The following WDR27 variants were observed in gnomAD, a reference collection of about 807,000 sequenced individuals.
WDR27 encodes the protein WD repeat domain 27.
A neutral mutation model predicts 114.4 loss-of-function variants in WDR27; 100 were observed. The ratio of observed to expected loss-of-function variants is 0.87; its 90% confidence interval spans 0.74 to 1.03. The LOEUF is 1.03. Among genes scored for constraint, WDR27 ranks in the 50% least tolerant of loss-of-function variants. The pLI, the probability that WDR27 is intolerant of heterozygous loss-of-function variation, is 0.00. For synonymous variants in WDR27, 449 were observed against 423.1 expected, an observed-to-expected ratio of 1.06 and a Z score of -0.75; for missense variants, 1,129 against 1,092.9, an observed-to-expected ratio of 1.03 and a Z score of -0.47.
At chr6:169,657,620 A>G (rs1824601628) in intron 13 of WDR27, 1 of 152,434 alleles carries the variant, frequency 6.6e-6, no homozygotes, top group South Asian at 2.1e-4. Flanking sequence ...GAAGGGAAAA[A>G]AGAATTATCA....
chr6:169,501,296 T>A (rs1583811911), intron 25 of WDR27, among the ~76,000 whole-genome samples: 1 of 152,034 alleles, frequency 6.6e-6, no homozygotes, highest in Admixed American at 6.6e-5. Flanking sequence ...GGCCTGCAGG[T>A]CCAGCAGGAG....
At chr6:169,608,390 G>C (rs1809730176) in intron 22 of WDR27, among the ~76,000 whole-genome samples, 2 of 152,102 alleles carry the variant, frequency 1.3e-5, no homozygotes, top group South Asian at 2.1e-4. Flanking sequence ...CCCTAGACTG[G>C]GCAATTTACA....
intron 25 of WDR27, among the ~76,000 whole-genome samples, chr6:169,522,606 C>T (rs1794515751): frequency 6.6e-6 from 1 of 151,930 alleles, no homozygotes; most frequent in Non-Finnish European, 1.5e-5. Flanking sequence ...AATTAGAAAT[C>T]ATATCAAGTA....
rs180946289 is a variant in WDR27, at chr6:169,592,175, T to C, written c.2425-9241A>G. Among the ~76,000 whole-genome samples, 349 of 152,332 alleles carry C rather than the reference T, an allele frequency of 2.3e-3. 3 individuals carry two copies. The highest frequency in any genetic ancestry group is 7.9e-3 in the African/African-American group (327 of 41,572). ...TTTTTTCCGGGGGTATTTGGACCAT[T>C]GTTACTTGTTTATTCTCCCAAGTAA... On this transcript the variant is annotated intron_variant, in intron 23 of 25. Coordinates refer to ENST00000448612, the MANE Select transcript of WDR27 (RefSeq NM_182552.5).
At chr6:169,556,484 T>G (rs1798901269) in intron 25 of WDR27, among the ~76,000 whole-genome samples, 1 of 152,142 alleles carries the variant, frequency 6.6e-6, no homozygotes, top group African/African-American at 2.4e-5. Context: ...TAGCAACGGG[T>G]TATAGATCCA....
chr6:169,434,534 A>G, the WDR27 span, among the ~76,000 whole-genome samples: 3 of 151,946 alleles, frequency 2.0e-5, no homozygotes, highest in African/African-American at 7.3e-5. Flanking sequence ...GCTTTTTACA[A>G]TTGTCTTGGT....
chr6:169,449,861 A>G, the WDR27 span, among the ~76,000 whole-genome samples: 2 of 152,208 alleles, frequency 1.3e-5, no homozygotes, highest in Non-Finnish European at 2.9e-5. Flanking sequence ...AGAAATACAG[A>G]AGGGAGAGCC....
At chr6:169,541,422 G>A (rs556386610) in intron 25 of WDR27, among the ~76,000 whole-genome samples, 3 of 152,340 alleles carry the variant, frequency 2.0e-5, no homozygotes, top group Non-Finnish European at 4.4e-5. Context: ...TCAATGAGCT[G>A]CAGAGGAATC....
chr6:169,441,042 T>C, the WDR27 span, among the ~76,000 whole-genome samples: 1 of 152,216 alleles, frequency 6.6e-6, no homozygotes, highest in Non-Finnish European at 1.5e-5. Context: ...CTAATCTTTG[T>C]AAAAATCAGT....
rs187516130 is a variant in WDR27, at chr6:169,694,707, C to T, written c.-7-5695G>A. Among the ~76,000 whole-genome samples, 10 of 152,350 alleles carry T rather than the reference C, an allele frequency of 6.6e-5. No individual in the cohort carries two copies. The East Asian group carries it at 1.2e-3, about 18-fold the overall frequency. On this transcript the variant is annotated intron_variant, in intron 1 of 25. Coordinates refer to ENST00000448612, the MANE Select transcript of WDR27 (RefSeq NM_182552.5). ...CTGGCTACAGCAGCTTCACCGACAC[C>T]GTCAGGACGGCCCCCTGGTCTCCCC...
intron 21 of WDR27, among the ~76,000 whole-genome samples, chr6:169,618,679 G>T (rs1257587147): frequency 6.8e-6 from 1 of 147,658 alleles, no homozygotes; most frequent in African/African-American, 2.5e-5. Context: ...ATGTGGCTGA[G>T]GTGGTTACTA....
chr6:169,688,026 G>T (rs185365523), intron 2 of WDR27, among the ~76,000 whole-genome samples: 69 of 151,858 alleles, frequency 4.5e-4, no homozygotes, highest in African/African-American at 1.5e-3. Context: ...GATAAAGTGT[G>T]GTCTACTTAC....
chr6:169,653,759 A>G (rs565531461), intron 13 of WDR27, among the ~76,000 whole-genome samples: 2 of 152,328 alleles, frequency 1.3e-5, no homozygotes, highest in South Asian at 4.1e-4. Context: ...ATTGAAACTG[A>G]GGTGAGCTGT....
chr6:169,678,148 G>A (rs1181731382), intron 2 of WDR27, among the ~76,000 whole-genome samples: 1 of 152,224 alleles, frequency 6.6e-6, no homozygotes, highest in Non-Finnish European at 1.5e-5. Context: ...CCCCAGGATG[G>A]CAGATATTCC....
the WDR27 span, among the ~76,000 whole-genome samples, chr6:169,430,960 G>A: frequency 6.6e-6 from 1 of 152,122 alleles, no homozygotes; most frequent in East Asian, 1.9e-4. Flanking sequence ...CTATAGTCAA[G>A]AGACCGGGGG....
intron 1 of WDR27, among the ~76,000 whole-genome samples, chr6:169,689,732 C>T (rs1001638021): frequency 1.3e-5 from 2 of 152,240 alleles, no homozygotes; most frequent in African/African-American, 4.8e-5. Flanking sequence ...CTGTTGTACC[C>T]CACACCCCAC....
intron 25 of WDR27, among the ~76,000 whole-genome samples, chr6:169,553,642 A>G (rs1466694009): frequency 4.6e-5 from 7 of 152,086 alleles, no homozygotes; most frequent in East Asian, 1.9e-4. Context: ...GAATGATAAC[A>G]CCTTCTTTTA....
chr6:169,613,625 G>A lies in WDR27; in HGVS notation c.2255C>T (p.Ala752Val), dbSNP rs763637274. Reference protein sequence around the residue: ...GSSFTTQQPQAYNLFLTTAIG... With the variant: ...GSSFTTQQPQVYNLFLTTAIG... ...GGCCGTGGTCAGGAAAAGGTTATAA[G>A]CCTGAGGCTGTTGGGTTGTAAATGA... The change falls in exon 22 of 26, where the codon GCT (alanine) becomes GTT (valine). Residue 752 changes from alanine (A) to valine (V), a missense_variant. Physicochemically the swap from Ala to Val is moderately conservative, Grantham distance 64 (BLOSUM62 0). Coordinates refer to ENST00000448612, the MANE Select transcript of WDR27 (RefSeq NM_182552.5). 1.2e-6 allele frequency: 2 copies of A among 1,613,844 alleles called. No individual in the cohort carries two copies. The highest frequency in any genetic ancestry group is 4.5e-5 in the East Asian group (2 of 44,876).
chr6:169,568,656 C>A (rs561201209), intron 25 of WDR27, among the ~76,000 whole-genome samples: 67 of 152,300 alleles, frequency 4.4e-4, no homozygotes, highest in Non-Finnish European at 8.4e-4. Flanking sequence ...GGTTGACAAA[C>A]AGGGAAGACC....
Sources: allele counts gnomAD v4.1 joint callset (sites outside exome capture counted in the v4.1 genomes callset), GRCh38; gene constraint gnomAD v4.1.1; transcripts MANE v1.5; gene names NCBI Gene and HGNC (gene_info 2026-07-23, HGNC 2026-07-21).